Variants in COX5A observed in about 807,000 individuals in gnomAD.
COX5A encodes cytochrome c oxidase subunit 5A, mitochondrial.
A neutral mutation model predicts 16.1 loss-of-function variants in COX5A; 6 were observed. The observed-to-expected ratio is 0.37, with a 90% confidence interval of 0.20 to 0.73. COX5A has a LOEUF of 0.73. Among genes scored for constraint, COX5A ranks in the 30% least tolerant of loss-of-function variants. COX5A has a pLI of 0.50. For synonymous variants in COX5A, 73 were observed against 73.8 expected (o/e 0.99, Z 0.06); for missense variants, 159 against 194.9 (o/e 0.82, Z 1.10).
At chr15:74,932,124 CAGGT>C (rs1191163309) in intron 1 of COX5A, among the ~76,000 whole-genome samples, 1 of 152,166 alleles carries the variant, frequency 6.6e-6, no homozygotes, top group Non-Finnish European at 1.5e-5. Context: ...AATGTGAAAA[CAGGT>C]AGGTTAACAC....
At position 74,920,132 on chromosome 15, in the gene COX5A, T is replaced by C; in HGVS notation, c.*320A>G. On this transcript the variant is annotated 3_prime_UTR_variant, in exon 5 of 5. Transcript: ENST00000322347. ...TTACAAGCTAGGGCACCCAAACATA[T>C]TAATGAAGCTGATTTTCATGTCAGA... 2.1e-6 allele frequency: 1 copy of C among 486,778 alleles called. No homozygotes were observed. Among genetic ancestry groups the C allele is most frequent in the Non-Finnish European group, 3.5e-6 (1 of 282,248 alleles). The allele number at this position is 486,778 out of a possible 1,614,324, so 30.2% of individuals were successfully genotyped here. A position where few individuals can be genotyped will look rare whatever the true frequency, so the allele number is the denominator to read the frequency against.
chr15:74,924,996 G>T lies in COX5A; in HGVS notation c.340-1226C>A, dbSNP rs571759699. Among the ~76,000 whole-genome samples the T allele has an allele frequency of 9.2e-5, 14 of 152,258 alleles. 1 individual carries two copies. In the East Asian group the frequency reaches 2.1e-3, roughly 23 times the overall value. On this transcript the variant is annotated intron_variant, in intron 3 of 4. Coordinates refer to ENST00000322347, the MANE Select transcript of COX5A (RefSeq NM_004255.4). ...ATAGTTACACCTGTGCTGTCACAAG[G>T]TTCCTTAGGAACGAATAAGAAGTCA... is the stretch of plus-strand genomic sequence containing the variant.
intron 1 of COX5A, among the ~76,000 whole-genome samples, chr15:74,930,861 C>A (rs1289918542): frequency 3.3e-5 from 5 of 149,784 alleles, no homozygotes; most frequent in African/African-American, 1.2e-4. Flanking sequence ...ACTAAAAATA[C>A]AAAAAATTAG....
intron 3 of COX5A, among the ~76,000 whole-genome samples, chr15:74,926,117 G>A (rs1024724926): frequency 2.8e-5 from 4 of 144,982 alleles, no homozygotes; most frequent in African/African-American, 1.0e-4. Context: ...TTGGCTCACT[G>A]CAAGCTTTGC....
At chr15:74,933,419 ATATCTATC>A (rs56686416) in intron 1 of COX5A, among the ~76,000 whole-genome samples, 11,833 of 143,244 alleles carry the variant, frequency 0.083, 602 homozygotes, top group African/African-American at 0.14. Flanking sequence ...AAAAAAAAAA[ATATCTATC>A]TATCTATCTA....
intron 3 of COX5A, among the ~76,000 whole-genome samples, chr15:74,925,887 C>T (rs776000070): frequency 6.1e-5 from 9 of 147,536 alleles, no homozygotes; most frequent in Non-Finnish European, 9.0e-5. Context: ...TTTTTAGAGA[C>T]GGAGTTTCTC....
At chr15:74,921,443 C>A (rs963363393) in intron 4 of COX5A, among the ~76,000 whole-genome samples, 297 of 144,398 alleles carry the variant, frequency 2.1e-3, no homozygotes, top group African/African-American at 7.1e-3. Context: ...GAATATCAAT[C>A]ACAGGGCCAG....
intron 1 of COX5A, among the ~76,000 whole-genome samples, chr15:74,936,038 C>G (rs1167961462): frequency 1.3e-5 from 2 of 152,034 alleles, no homozygotes; most frequent in East Asian, 3.9e-4. Flanking sequence ...CGCCTGTAAT[C>G]CCAGCACTTT....
At chr15:74,932,748 G>A (rs539424520) in intron 1 of COX5A, among the ~76,000 whole-genome samples, 13 of 150,902 alleles carry the variant, frequency 8.6e-5, no homozygotes, top group Non-Finnish European at 1.9e-4. Context: ...CCAGGCTGGA[G>A]TGCAATGGCA....
chr15:74,937,632 A>C, intron 1 of COX5A: 5 of 250,776 alleles, frequency 2.0e-5, no homozygotes, highest in Non-Finnish European at 3.1e-5. Flanking sequence ...TGGCCCGGGA[A>C]CCGAAGGGGA....
chr15:74,934,115 A>T (rs757537688), intron 1 of COX5A, among the ~76,000 whole-genome samples: 1 of 152,142 alleles, frequency 6.6e-6, no homozygotes, highest in Non-Finnish European at 1.5e-5. Context: ...TTAAAAAATT[A>T]GCGGGGTTTG....
At position 74,920,395 on chromosome 15, in the gene COX5A, C is replaced by G. The variant is rs750404271; in HGVS notation, c.*57G>C. 3 of 695,158 alleles carry G rather than the reference C, an allele frequency of 4.3e-6. No homozygotes were observed. The African/African-American group carries it at 5.3e-5, about 12-fold the overall frequency. 43.1% of individuals were successfully genotyped at this position (695,158 alleles called of 1,614,324 possible). Reference sequence around the variant, plus strand: ...TGTTATCATCAGTATTTCCAGGTAACTGTTCACACTCAAGTAGCAATGTCA... The same window carrying G: ...TGTTATCATCAGTATTTCCAGGTAAGTGTTCACACTCAAGTAGCAATGTCA... On this transcript the variant is annotated 3_prime_UTR_variant, in exon 5 of 5. Transcript: ENST00000322347.
chr15:74,922,640 C>T (rs2065326245), intron 4 of COX5A, among the ~76,000 whole-genome samples: 1 of 151,686 alleles, frequency 6.6e-6, no homozygotes, highest in East Asian at 1.9e-4. Context: ...CAGGCATGAG[C>T]CATTGCTGCC....
chr15:74,929,770 G>C (rs1012736735), intron 1 of COX5A, among the ~76,000 whole-genome samples: 3 of 151,262 alleles, frequency 2.0e-5, no homozygotes, highest in Admixed American at 2.0e-4. Context: ...GCAACACAGC[G>C]ACACCCCACT....
chr15:74,925,003 A>G (rs1342531880), intron 3 of COX5A, among the ~76,000 whole-genome samples: 3 of 152,198 alleles, frequency 2.0e-5, no homozygotes, highest in Non-Finnish European at 4.4e-5. Context: ...AAGGTTCCTT[A>G]GGAACGAATA....
At chr15:74,931,124 C>G (rs947260401) in intron 1 of COX5A, among the ~76,000 whole-genome samples, 2 of 151,702 alleles carry the variant, frequency 1.3e-5, no homozygotes, top group Non-Finnish European at 2.9e-5. Context: ...CAAACTACAG[C>G]CCCTTCCCAA....
chr15:74,928,086 G>A (rs1303928210), intron 2 of COX5A, among the ~76,000 whole-genome samples: 2 of 152,082 alleles, frequency 1.3e-5, no homozygotes, highest in Admixed American at 6.6e-5. Context: ...GTAGCAAAAG[G>A]GAATCATTAC....
chr15:74,932,730 C>A (rs949174015), intron 1 of COX5A, among the ~76,000 whole-genome samples: 16 of 151,218 alleles, frequency 1.1e-4, no homozygotes, highest in African/African-American at 3.9e-4. Context: ...AGAGTCTCAC[C>A]CTGTCGCCCA....
intron 4 of COX5A, among the ~76,000 whole-genome samples, chr15:74,923,430 A>T (rs1276079178): frequency 6.6e-6 from 1 of 152,104 alleles, no homozygotes; most frequent in Admixed American, 6.5e-5. Context: ...AAAAAGACGA[A>T]AGAAAGAAAA....
Sources: allele counts gnomAD v4.1 joint callset (sites outside exome capture counted in the v4.1 genomes callset), GRCh38; gene constraint gnomAD v4.1.1; transcripts MANE v1.5; gene names NCBI Gene and HGNC (gene_info 2026-07-23, HGNC 2026-07-21).